HEG1: variants seen among roughly 807,000 people sequenced by gnomAD.
HEG1 encodes protein HEG homolog 1.
A neutral mutation model predicts 125.6 loss-of-function variants in HEG1; 56 were observed. That is an observed-to-expected ratio of 0.45 (90% CI 0.36 to 0.56). HEG1 has a LOEUF of 0.56. HEG1 is among the 20% of genes least tolerant of loss of function. The probability of loss-of-function intolerance (pLI) is 0.00; values close to 1 mark genes in which losing one functional copy is unlikely to be tolerated. For missense variants in HEG1, 1,523 were observed against 1,670.0 expected, an observed-to-expected ratio of 0.91 and a Z score of 1.53; for synonymous variants, 644 against 668.5, an observed-to-expected ratio of 0.96 and a Z score of 0.57.
Position 124,970,143 on chromosome 3 carries a change from G to A in HEG1, c.*509C>T, listed in dbSNP as rs2107684622. ...AGTGGTACGCTCATCCTCATCTGTT[G>A]TTTAGCACGCAGGCGCTGGGCAGGA... On this transcript the variant is annotated 3_prime_UTR_variant, in exon 17 of 17. Transcript: ENST00000311127. 6.5e-6 allele frequency: 1 copy of A among 154,056 alleles called. No homozygotes were observed. The highest frequency in any genetic ancestry group is 2.0e-4 in the South Asian group (1 of 4,888). 9.5% of individuals were successfully genotyped at this position (154,056 alleles called of 1,614,324 possible). A position where few individuals can be genotyped will look rare whatever the true frequency, so the allele number is the denominator to read the frequency against.
At chr3:125,031,578 T>C (rs945487904) in intron 1 of HEG1, among the ~76,000 whole-genome samples, 2 of 152,258 alleles carry the variant, frequency 1.3e-5, no homozygotes, top group South Asian at 2.1e-4. Flanking sequence ...CTTCGATTTA[T>C]ATGAATCAAA....
At chr3:125,003,277 T>C (rs746447801) in intron 9 of HEG1, among the ~76,000 whole-genome samples, 2 of 152,180 alleles carry the variant, frequency 1.3e-5, no homozygotes, top group Non-Finnish European at 2.9e-5. Flanking sequence ...TATACATTGA[T>C]ACTGGGCAAA....
intron 3 of HEG1, among the ~76,000 whole-genome samples, chr3:125,023,067 G>T (rs549558704): frequency 5.3e-4 from 81 of 152,296 alleles, no homozygotes; most frequent in African/African-American, 1.9e-3. Context: ...GGTGGTGGGT[G>T]CCTGTAATCT....
chr3:125,002,953 G>A (rs1328268381), intron 9 of HEG1, among the ~76,000 whole-genome samples: 1 of 152,114 alleles, frequency 6.6e-6, no homozygotes, highest in Non-Finnish European at 1.5e-5. Context: ...AGGAGCTATC[G>A]AGACTCCTTT....
At chr3:125,054,701 A>G (rs1480123243) in intron 1 of HEG1, among the ~76,000 whole-genome samples, 1 of 152,166 alleles carries the variant, frequency 6.6e-6, no homozygotes, top group Non-Finnish European at 1.5e-5. Context: ...AGCACTTTCC[A>G]TTTATTTTTA....
At chr3:124,998,226 G>A (rs149723210) in intron 11 of HEG1, among the ~76,000 whole-genome samples, 321 of 152,340 alleles carry the variant, frequency 2.1e-3, no homozygotes, top group African/African-American at 7.6e-3. Context: ...TGAGTTCTTA[G>A]GAAGCCGAGA....
chr3:125,015,925 A>T (rs1184684560), intron 5 of HEG1, among the ~76,000 whole-genome samples: 1 of 152,170 alleles, frequency 6.6e-6, no homozygotes, highest in African/African-American at 2.4e-5. Context: ...GGCTAAATTC[A>T]TTTTGGGATA....
intron 14 of HEG1, among the ~76,000 whole-genome samples, chr3:124,990,506 T>C (rs536950093): frequency 4.6e-5 from 7 of 152,188 alleles, no homozygotes; most frequent in African/African-American, 1.2e-4. Flanking sequence ...ACCCAGCTAA[T>C]TTTTGTATTT....
At chr3:125,025,095 C>G (rs971180147) in intron 3 of HEG1, among the ~76,000 whole-genome samples, 5 of 152,240 alleles carry the variant, frequency 3.3e-5, no homozygotes, top group Non-Finnish European at 7.3e-5. Flanking sequence ...GCACTCTTGC[C>G]TGAGTGCCTA....
In HEG1 at chr3:125,013,476, T is replaced by C. The variant is rs373201471; in HGVS notation, c.2103A>G (p.Leu701=). The C allele has an allele frequency of 6.3e-5, 101 of 1,613,812 alleles. No individual in the cohort carries two copies. Among genetic ancestry groups the C allele is most frequent in the Non-Finnish European group, 8.2e-5 (97 of 1,179,884 alleles). Residue 701 remains leucine, a synonymous_variant, in exon 6 of 17, where the codon CTA becomes CTG. Transcript: ENST00000311127. ...TGGATGCATCAGAGGTAGACTTTAG[T>C]AGATGCACAGAGGCCCTGGTTGATG... is the stretch of plus-strand genomic sequence containing the variant. ...ILPSTRASVH[L]LKSTSDASTP...
chr3:125,026,104 G>T (rs1579426896), intron 3 of HEG1, among the ~76,000 whole-genome samples: 1 of 152,088 alleles, frequency 6.6e-6, no homozygotes, highest in Non-Finnish European at 1.5e-5. Flanking sequence ...TCTCTGTCCT[G>T]CTCCCTATGG....
intron 14 of HEG1, among the ~76,000 whole-genome samples, chr3:124,981,743 T>A (rs571280941): frequency 6.6e-6 from 1 of 152,300 alleles, no homozygotes; most frequent in African/African-American, 2.4e-5. Context: ...TGGGAGGAAC[T>A]CACCAAAATG....
At chr3:124,983,040 A>G (rs1936680142) in intron 14 of HEG1, among the ~76,000 whole-genome samples, 1 of 152,176 alleles carries the variant, frequency 6.6e-6, no homozygotes, top group Admixed American at 6.5e-5. Flanking sequence ...TCATGGCAAC[A>G]TGTGCTCTCA....
At chr3:124,978,685 C>T (rs947615631) in intron 14 of HEG1, among the ~76,000 whole-genome samples, 1 of 152,006 alleles carries the variant, frequency 6.6e-6, no homozygotes, top group Non-Finnish European at 1.5e-5. Context: ...GTAAATTATG[C>T]CTCAGTAAAT....
intron 1 of HEG1, among the ~76,000 whole-genome samples, chr3:125,045,111 G>A (rs1272374657): frequency 6.6e-6 from 1 of 152,228 alleles, no homozygotes; most frequent in Non-Finnish European, 1.5e-5. Flanking sequence ...TCTTAGAGGA[G>A]GAAGAGATGA....
chr3:125,049,465 T>C (rs1289908678), intron 1 of HEG1, among the ~76,000 whole-genome samples: 2 of 152,260 alleles, frequency 1.3e-5, no homozygotes, highest in African/African-American at 4.8e-5. Flanking sequence ...CTTTAACTAC[T>C]GCCCCTCAGG....
intron 12 of HEG1, among the ~76,000 whole-genome samples, chr3:124,992,948 G>C (rs1455588358): frequency 6.6e-6 from 1 of 152,220 alleles, no homozygotes; most frequent in Non-Finnish European, 1.5e-5. Context: ...CCATGGGAAA[G>C]TCCCTGTGGT....
intron 1 of HEG1, among the ~76,000 whole-genome samples, chr3:125,052,746 G>T (rs1937840647): frequency 1.3e-5 from 2 of 152,356 alleles, no homozygotes; most frequent in Middle Eastern, 3.4e-3. Context: ...CAGCTGAACA[G>T]CCAGCAGGGT....
chr3:125,022,053 T>TG (rs933611752), intron 3 of HEG1, among the ~76,000 whole-genome samples: 3 of 152,174 alleles, frequency 2.0e-5, no homozygotes, highest in African/African-American at 7.2e-5. Flanking sequence ...TAAGTACGGG[T>TG]GTCTCCTTTC....
Sources: gnomAD v4.1 joint callset for allele counts (sites outside exome capture counted in the v4.1 genomes callset) on GRCh38, gnomAD v4.1.1 for gene constraint, MANE v1.5 for transcripts, NCBI Gene and HGNC (gene_info 2026-07-23, HGNC 2026-07-21) for gene names.